PPP2R5E: variants seen among roughly 807,000 people sequenced by gnomAD.
PPP2R5E encodes the protein serine/threonine-protein phosphatase 2A 56 kDa regulatory subunit epsilon isoform.
In PPP2R5E, 4 loss-of-function variants were observed where a neutral mutation model predicts 65.3. That is an observed-to-expected ratio of 0.06 (90% CI 0.03 to 0.14). The LOEUF (loss-of-function observed/expected upper bound fraction) is 0.14. PPP2R5E is among the 10% of genes least tolerant of loss of function. The pLI is 1.00. For synonymous variants in PPP2R5E, 183 were observed against 187.4 expected, an observed-to-expected ratio of 0.98 and a Z score of 0.19; for missense variants, 274 against 556.1, an observed-to-expected ratio of 0.49 and a Z score of 5.10.
rs748146106 is a variant in PPP2R5E, at chr14:63,520,859, C to CAAAAAAAAAAA, written c.157+18659_157+18669dup. Among the ~76,000 whole-genome samples the CAAAAAAAAAAA allele has an allele frequency of 5.1e-4, 30 of 58,522 alleles. 1 individual carries two copies. Among genetic ancestry groups the CAAAAAAAAAAA allele is most frequent in the South Asian group, 2.6e-3 (2 of 770 alleles). The allele number at this position is 58,522 out of a possible 152,430, so 38.4% of individuals were successfully genotyped here. ...TGAAACCTCATCTCTACTAAAAATA[C>CAAAAAAAAAAA]AAAAAAAAAAAAAAAAAAAAAAAAA... On this transcript the variant is annotated intron_variant, in intron 2 of 13. Coordinates refer to ENST00000337537, the MANE Select transcript of PPP2R5E (RefSeq NM_006246.5).
At chr14:63,378,392 CCA>C (rs1368320629) in intron 13 of PPP2R5E, among the ~76,000 whole-genome samples, 3 of 152,154 alleles carry the variant, frequency 2.0e-5, no homozygotes, top group Non-Finnish European at 4.4e-5. Context: ...GAAATAACTC[CCA>C]CAAGCTTAGC....
intron 12 of PPP2R5E, among the ~76,000 whole-genome samples, chr14:63,383,788 C>T (rs1253185099): frequency 1.3e-5 from 2 of 151,976 alleles, no homozygotes; most frequent in African/African-American, 2.4e-5. Flanking sequence ...GTTAAACTTC[C>T]CTTGATGATT....
chr14:63,377,667 T>C (rs1884067876), intron 13 of PPP2R5E, among the ~76,000 whole-genome samples: 2 of 152,326 alleles, frequency 1.3e-5, no homozygotes, highest in South Asian at 4.1e-4. Context: ...ATAGGTAATA[T>C]TTTCATAACT....
chr14:63,512,498 C>T (rs1892506099), intron 2 of PPP2R5E, among the ~76,000 whole-genome samples: 1 of 152,146 alleles, frequency 6.6e-6, no homozygotes, highest in Admixed American at 6.5e-5. Context: ...TATCATTTTT[C>T]TTCTCAGTAG....
intron 5 of PPP2R5E, among the ~76,000 whole-genome samples, chr14:63,412,455 G>A (rs998358016): frequency 2.6e-5 from 4 of 152,186 alleles, no homozygotes; most frequent in East Asian, 3.8e-4. Flanking sequence ...ACTCTAAGCC[G>A]CACTGGGCTG....
At chr14:63,392,172 TA>T in intron 8 of PPP2R5E, 147 bp from the exon 9 acceptor site, 1 of 575,510 alleles carries the variant, frequency 1.7e-6, no homozygotes, top group Non-Finnish European at 2.8e-6. Flanking sequence ...AAAATCTATA[TA>T]AAGTAAAATA....
At chr14:63,438,205 A>G (rs2139422063) in intron 3 of PPP2R5E, among the ~76,000 whole-genome samples, 1 of 152,250 alleles carries the variant, frequency 6.6e-6, no homozygotes, top group East Asian at 1.9e-4. Context: ...GAGGACACTC[A>G]TTTTCTCAGC....
intron 2 of PPP2R5E, among the ~76,000 whole-genome samples, chr14:63,493,195 T>C (rs1398878116): frequency 2.0e-5 from 3 of 151,664 alleles, no homozygotes; most frequent in Admixed American, 6.6e-5. Flanking sequence ...TAACTCTTTT[T>C]TGGTTTGGTG....
Position 63,453,742 on chromosome 14 carries a change from T to C in PPP2R5E, c.301A>G (p.Thr101Ala). 6.2e-7 allele frequency: 1 copy of C among 1,613,890 alleles called. No individual in the cohort carries two copies. The highest frequency in any genetic ancestry group is 1.1e-5 in the South Asian group (1 of 90,990). Residue 101 changes from threonine to alanine, a missense_variant, in exon 3 of 14, where the codon ACA becomes GCA. This residue lies in a region of PPP2R5E where 51 missense variants were observed against 101.1 expected (regional missense o/e 0.50). Coordinates refer to ENST00000337537, the MANE Select transcript of PPP2R5E (RefSeq NM_006246.5). The stretch of plus-strand genomic sequence containing the variant: ...TCTGTCAAACAGCCTCTGCTTATTG[T>C]AATGTAGTCCACCAGTTCATTAAGA... ...STLNELVDYI[T>A]ISRGCLTEQT...
At chr14:63,435,137 G>C (rs1157720404) in intron 3 of PPP2R5E, among the ~76,000 whole-genome samples, 1 of 152,198 alleles carries the variant, frequency 6.6e-6, no homozygotes, top group Admixed American at 6.5e-5. Flanking sequence ...CAATGTTCCA[G>C]ATCTCATTTG....
chr14:63,538,188 C>A (rs1415484627), intron 2 of PPP2R5E, among the ~76,000 whole-genome samples: 1 of 151,822 alleles, frequency 6.6e-6, no homozygotes, highest in Non-Finnish European at 1.5e-5. Context: ...GAAGTTGATC[C>A]CGGCTACTCG....
intron 13 of PPP2R5E, among the ~76,000 whole-genome samples, chr14:63,380,400 C>T (rs1030968094): frequency 4.6e-5 from 7 of 152,044 alleles, no homozygotes; most frequent in Non-Finnish European, 8.8e-5. Context: ...CGGTGGCTTA[C>T]GCCTGTAATC....
chr14:63,417,478 T>C (rs1266400575), intron 4 of PPP2R5E, among the ~76,000 whole-genome samples: 1 of 145,510 alleles, frequency 6.9e-6, no homozygotes, highest in African/African-American at 2.7e-5. Context: ...AAAATGATGT[T>C]TCATGAGGAG....
chr14:63,377,238 C>G (rs962793592), intron 13 of PPP2R5E, among the ~76,000 whole-genome samples: 1 of 152,026 alleles, frequency 6.6e-6, no homozygotes, highest in Non-Finnish European at 1.5e-5. Context: ...GGGGCTCCAC[C>G]ATCTCAGGCA....
chr14:63,520,198 G>C (rs1275919689), intron 2 of PPP2R5E, among the ~76,000 whole-genome samples: 2 of 151,816 alleles, frequency 1.3e-5, no homozygotes, highest in Non-Finnish European at 2.9e-5. Context: ...ACCACGCCCG[G>C]CTAATTTTTT....
intron 2 of PPP2R5E, among the ~76,000 whole-genome samples, chr14:63,534,198 TTGAC>T: frequency 6.6e-6 from 1 of 152,198 alleles, no homozygotes; most frequent in Non-Finnish European, 1.5e-5. Flanking sequence ...ACTGTTTAGT[TTGAC>T]TGTCTTACTC....
At chr14:63,389,794 G>T in intron 10 of PPP2R5E, 63 bp from the exon 11 acceptor site, 1 of 1,443,746 alleles carries the variant, frequency 6.9e-7, no homozygotes, top group Non-Finnish European at 9.2e-7. Flanking sequence ...ATAAGAACAA[G>T]GAGGATTAAT....
chr14:63,431,462 GTTTA>G (rs995312615), intron 3 of PPP2R5E, among the ~76,000 whole-genome samples: 7 of 152,132 alleles, frequency 4.6e-5, no homozygotes, highest in African/African-American at 9.7e-5. Flanking sequence ...TTCCAAACAT[GTTTA>G]TTTGAGTTAC....
At chr14:63,418,505 TGGGGGCTG>T (rs896991532) in intron 4 of PPP2R5E, among the ~76,000 whole-genome samples, 3 of 152,192 alleles carry the variant, frequency 2.0e-5, no homozygotes, top group African/African-American at 7.2e-5. Flanking sequence ...AGAGAAAGAC[TGGGGGCTG>T]GGGAGGACAA....
Sources: gnomAD v4.1 joint callset for allele counts (sites outside exome capture counted in the v4.1 genomes callset) on GRCh38, gnomAD v4.1.1 for gene constraint, gnomAD v4.1.1 regional missense constraint, MANE v1.5 for transcripts, NCBI Gene and HGNC (gene_info 2026-07-23, HGNC 2026-07-21) for gene names.